The following MAPK8IP3 variants were observed in gnomAD, a reference collection of about 807,000 sequenced individuals.
MAPK8IP3 encodes C-Jun-amino-terminal kinase-interacting protein 3.
MAPK8IP3 carries 49 observed loss-of-function variants against 157.8 expected under a neutral mutation model. That is an observed-to-expected ratio of 0.31 (90% CI 0.25 to 0.39). MAPK8IP3 has a LOEUF of 0.39. Ranked by LOEUF, MAPK8IP3 falls within the 10% of genes least tolerant of loss-of-function variation. The probability of loss-of-function intolerance (pLI) is 1.00; values close to 1 mark genes in which losing one functional copy is unlikely to be tolerated. For synonymous variants in MAPK8IP3, 897 were observed against 777.7 expected (o/e 1.15, Z -2.55); for missense variants, 1,478 against 1,889.4 (o/e 0.78, Z 4.04).
At chr16:1,730,560 A>T (rs1010313488) in intron 4 of MAPK8IP3, among the ~76,000 whole-genome samples, 48 of 152,116 alleles carry the variant, frequency 3.2e-4, no homozygotes, top group African/African-American at 1.1e-3. Context: ...TAACATGGTG[A>T]AACCCCATCT....
intron 12 of MAPK8IP3, 107 bp downstream of exon 12, chr16:1,760,639 T>G: frequency 7.4e-7 from 1 of 1,351,400 alleles, no homozygotes; most frequent in Non-Finnish European, 9.9e-7. Flanking sequence ...GCTCTGTGCA[T>G]AGCCTACCTA....
intron 17 of MAPK8IP3, 156 bp downstream of exon 17, chr16:1,763,939 C>T: frequency 9.3e-7 from 1 of 1,071,290 alleles, no homozygotes; most frequent in South Asian, 1.7e-5. Flanking sequence ...TAGTGAGCCT[C>T]CTGGGCAGGG....
chr16:1,754,701 G>A (rs931018259), intron 8 of MAPK8IP3, among the ~76,000 whole-genome samples: 6 of 152,012 alleles, frequency 3.9e-5, no homozygotes, highest in Non-Finnish European at 8.8e-5. Flanking sequence ...AACCTGGGAG[G>A]CGGGGGTTGC....
chr16:1,737,160 G>T lies in MAPK8IP3; in HGVS notation c.603-6172G>T, dbSNP rs552372714. Among the ~76,000 whole-genome samples the T allele has an allele frequency of 7.5e-4, 73 of 97,904 alleles. 4 individuals are homozygous for T. Among genetic ancestry groups the T allele is most frequent in the African/African-American group, 2.8e-3 (70 of 24,920 alleles). The allele number at this position is 97,904 out of a possible 152,430, so 64.2% of individuals were successfully genotyped here. ...CATGTGACCATCCGTGACCGTCCGT[G>T]TGAGCATCCGTGTGAGCGTGTGACC... On this transcript the variant is annotated intron_variant, in intron 4 of 31. Coordinates refer to ENST00000610761, the MANE Select transcript of MAPK8IP3 (RefSeq NM_001318852.2).
In MAPK8IP3 at chr16:1,770,107, T is replaced by A. The variant is rs2042524938; in HGVS notation, c.*1283T>A. The A allele has an allele frequency of 6.6e-6, 1 of 152,416 alleles. No individual in the cohort carries two copies. The highest frequency in any genetic ancestry group is 2.4e-5 in the African/African-American group (1 of 41,400). 9.4% of individuals were successfully genotyped at this position (152,416 alleles called of 1,614,324 possible). On this transcript the variant is annotated 3_prime_UTR_variant, in exon 32 of 32. Transcript: ENST00000610761. ...ACAAGCCCCGCTGGCCACCGAGGGC[T>A]GCAGCCGCTGCGCTGCCGGCTTCTC...
At position 1,767,515 on chromosome 16, in the gene MAPK8IP3, C is replaced by T. The variant is rs759077441; in HGVS notation, c.3238-49C>T. On this transcript the variant is annotated intron_variant, in intron 26 of 31. Coordinates refer to ENST00000610761, the MANE Select transcript of MAPK8IP3 (RefSeq NM_001318852.2). Reference sequence around the variant, plus strand: ...GCTGTGGCAGGTTTGGGGCTCCCCACTTCCTCTCCTCTCCCCAGCCCTGTT... The same window carrying T: ...GCTGTGGCAGGTTTGGGGCTCCCCATTTCCTCTCCTCTCCCCAGCCCTGTT... The T allele has an allele frequency of 3.8e-6, 6 of 1,587,656 alleles. No individual in the cohort carries two copies. The South Asian group carries it at 6.8e-5, about 18-fold the overall frequency.
At chr16:1,750,277 A>G (rs931206338) in intron 8 of MAPK8IP3, among the ~76,000 whole-genome samples, 9 of 152,262 alleles carry the variant, frequency 5.9e-5, no homozygotes, top group African/African-American at 2.2e-4. Flanking sequence ...CAGTGGCGCC[A>G]TCTTGGCTCA....
At chr16:1,754,865 C>T (rs370253565) in intron 8 of MAPK8IP3, among the ~76,000 whole-genome samples, 8 of 152,256 alleles carry the variant, frequency 5.3e-5, no homozygotes, top group South Asian at 4.1e-4. Context: ...AAGCTGTACA[C>T]GCAGAGGGTG....
chr16:1,722,916 T>C (rs2038624791), intron 1 of MAPK8IP3, among the ~76,000 whole-genome samples: 1 of 151,922 alleles, frequency 6.6e-6, no homozygotes, highest in Non-Finnish European at 1.5e-5. Flanking sequence ...TTAGCCAGGA[T>C]GGACTCGATC....
chr16:1,765,113 C>T lies in MAPK8IP3; in HGVS notation c.2381C>T (p.Pro794Leu), dbSNP rs759234530. The change falls in exon 20 of 32, where the codon CCG (proline) becomes CTG (leucine). Residue 794 changes from proline (P) to leucine (L), a missense_variant. Pro to Leu is a moderately conservative substitution (Grantham distance 98). Coordinates refer to ENST00000610761, the MANE Select transcript of MAPK8IP3 (RefSeq NM_001318852.2). ...SKVVIIDANQ[P>L]GTVVDQFTVC... ...GTGGTGATCATCGACGCCAACCAGC[C>T]GGGCACGGTGGTGGACCAGTTCACC... 8.1e-6 allele frequency: 13 copies of T among 1,612,532 alleles called. No individual in the cohort carries two copies. Among genetic ancestry groups the T allele is most frequent in the Non-Finnish European group, 1.1e-5 (13 of 1,179,740 alleles).
chr16:1,760,569 C>A (rs200440647), intron 12 of MAPK8IP3, 37 bp downstream of exon 12: 90 of 1,590,306 alleles, frequency 5.7e-5, no homozygotes, highest in Non-Finnish European at 7.7e-5. Context: ...CAGAGAGGGA[C>A]CCCGGCCTCA....
intron 4 of MAPK8IP3, among the ~76,000 whole-genome samples, chr16:1,735,645 G>A (rs1033201730): frequency 6.9e-6 from 1 of 145,550 alleles, no homozygotes; most frequent in South Asian, 2.2e-4. Flanking sequence ...GTCCATGTGA[G>A]TGTGACCATC....
chr16:1,722,824 C>T (rs2038618025), intron 1 of MAPK8IP3, among the ~76,000 whole-genome samples: 1 of 152,030 alleles, frequency 6.6e-6, no homozygotes, highest in Non-Finnish European at 1.5e-5. Context: ...GCCTCAGCCT[C>T]CCAAGTAGCT....
intron 19 of MAPK8IP3, 133 bp downstream of exon 19, chr16:1,764,592 A>T: frequency 8.0e-7 from 1 of 1,244,642 alleles, no homozygotes; most frequent in South Asian, 1.5e-5. Context: ...AGGGGCTCCT[A>T]GACTGCGGGA....
At chr16:1,732,430 T>C (rs946050825) in intron 4 of MAPK8IP3, among the ~76,000 whole-genome samples, 15 of 152,220 alleles carry the variant, frequency 9.9e-5, no homozygotes, top group Non-Finnish European at 2.2e-4. Flanking sequence ...TTCTGGATGA[T>C]ACAGAAGAAG....
At chr16:1,737,249 TGTGAGC>T (rs2040019993) in intron 4 of MAPK8IP3, among the ~76,000 whole-genome samples, 2 of 98,034 alleles carry the variant, frequency 2.0e-5, no homozygotes, top group African/African-American at 4.5e-5. Context: ...CGTGTGACCG[TGTGAGC>T]GTCCGTGTGA....
chr16:1,767,487 G>A, intron 26 of MAPK8IP3, 77 bp from the exon 27 acceptor site: 2 of 1,552,132 alleles, frequency 1.3e-6, no homozygotes, highest in South Asian at 1.2e-5. Flanking sequence ...AGGTGGCCCT[G>A]GAGCTGTGGC....
intron 8 of MAPK8IP3, among the ~76,000 whole-genome samples, chr16:1,753,328 A>G (rs1167965499): frequency 1.3e-5 from 2 of 152,138 alleles, no homozygotes; most frequent in Non-Finnish European, 2.9e-5. Context: ...CTGTGTTGCC[A>G]GGGCTGGTCT....
chr16:1,711,540 A>C (rs973625513), intron 1 of MAPK8IP3, among the ~76,000 whole-genome samples: 2 of 152,168 alleles, frequency 1.3e-5, no homozygotes, highest in Non-Finnish European at 2.9e-5. Context: ...ATTTATTACC[A>C]GGGCTGGAGG....
Sources: allele counts gnomAD v4.1 joint callset (sites outside exome capture counted in the v4.1 genomes callset), GRCh38; gene constraint gnomAD v4.1.1; transcripts MANE v1.5; gene names NCBI Gene and HGNC (gene_info 2026-07-23, HGNC 2026-07-21).